Variants in FRMPD4 observed in about 807,000 individuals in gnomAD.
FRMPD4 encodes the protein FERM and PDZ domain containing 4.
FRMPD4 carries 22 observed loss-of-function variants against 94.1 expected under a neutral mutation model. The ratio of observed to expected loss-of-function variants is 0.23; its 90% CI spans 0.17 to 0.33. The LOEUF is 0.33. FRMPD4 is among the 10% of genes least tolerant of loss of function. The pLI, the probability that FRMPD4 is intolerant of heterozygous loss-of-function variation, is 1.00. For synonymous variants in FRMPD4, 631 were observed against 548.6 expected (o/e 1.15, Z -2.10); for missense variants, 1,111 against 1,339.9 (o/e 0.83, Z 2.67).
chrX:12,548,663 T>A (rs1028204984), intron 2 of FRMPD4, among the ~76,000 whole-genome samples: 2 of 112,314 alleles, frequency 1.8e-5, no homozygotes, highest in Non-Finnish European at 3.8e-5. Context: ...TTCTGTGGAC[T>A]GATTAAATGA....
chrX:12,293,639 A>T (rs1406220135), intron 1 of FRMPD4, among the ~76,000 whole-genome samples: 2 of 112,609 alleles, frequency 1.8e-5, no homozygotes, highest in Non-Finnish European at 3.7e-5. Context: ...GTGCTTTTTA[A>T]GTATTTTCAC....
intron 1 of FRMPD4, among the ~76,000 whole-genome samples, chrX:12,489,874 C>A (rs765939737): frequency 9.0e-6 from 1 of 111,552 alleles, no homozygotes; most frequent in Non-Finnish European, 1.9e-5. Flanking sequence ...AACCCAGAGC[C>A]AGGACAACGT....
At chrX:12,349,674 C>A (rs1225925277) in intron 1 of FRMPD4, among the ~76,000 whole-genome samples, 1 of 111,690 alleles carries the variant, frequency 9.0e-6, no homozygotes, top group Non-Finnish European at 1.9e-5. Flanking sequence ...CCGGTTCAAT[C>A]AAAGGTCTAA....
intron 11 of FRMPD4, among the ~76,000 whole-genome samples, chrX:12,705,238 A>T (rs2041855684): frequency 8.9e-6 from 1 of 112,136 alleles, no homozygotes; most frequent in African/African-American, 3.2e-5. Flanking sequence ...CACAAAGGAA[A>T]TTTTAAAATA....
intron 1 of FRMPD4, among the ~76,000 whole-genome samples, chrX:12,237,279 T>G (rs1444911804): frequency 4.5e-5 from 5 of 111,464 alleles, no homozygotes; most frequent in African/African-American, 6.5e-5. Context: ...GTTTTGTAGC[T>G]GCATTAGAAA....
intron 3 of FRMPD4, among the ~76,000 whole-genome samples, chrX:11,968,396 G>A (rs1336420673): frequency 4.5e-5 from 5 of 111,912 alleles, no homozygotes; most frequent in African/African-American, 1.6e-4. Context: ...CCAAAGAGGA[G>A]TCTCAGAACC....
chrX:12,650,679 T>C (rs767343635), intron 4 of FRMPD4, among the ~76,000 whole-genome samples: 1 of 112,635 alleles, frequency 8.9e-6, no homozygotes, highest in African/African-American at 3.2e-5. Flanking sequence ...TTCTTCCAAA[T>C]AGACCAGAAG....
intron 1 of FRMPD4, among the ~76,000 whole-genome samples, chrX:12,321,395 A>G (rs764931754): frequency 8.9e-5 from 10 of 112,056 alleles, no homozygotes; most frequent in Admixed American, 2.8e-4. Context: ...AGTGATATGC[A>G]TTCAATTACC....
chrX:12,540,118 C>G (rs891743446), intron 2 of FRMPD4, among the ~76,000 whole-genome samples: 1 of 112,171 alleles, frequency 8.9e-6, no homozygotes, highest in Admixed American at 9.5e-5. Context: ...AAAACCAGTA[C>G]AAGCCACTGC....
At chrX:12,479,464 G>A (rs1025046648) in intron 1 of FRMPD4, among the ~76,000 whole-genome samples, 67 of 75,071 alleles carry the variant, frequency 8.9e-4, no homozygotes, top group African/African-American at 2.6e-3. Context: ...ATGTATATAT[G>A]TATATATATG....
At chrX:11,990,766 T>C (rs1569138400) in intron 3 of FRMPD4, among the ~76,000 whole-genome samples, 1 of 111,849 alleles carries the variant, frequency 8.9e-6, no homozygotes, top group Non-Finnish European at 1.9e-5. Context: ...ACAACACATG[T>C]TTATTACTCA....
intron 1 of FRMPD4, among the ~76,000 whole-genome samples, chrX:12,274,244 C>T (rs1158076863): frequency 1.8e-5 from 2 of 111,015 alleles, no homozygotes; most frequent in African/African-American, 6.6e-5. Context: ...GAGCCAGAAA[C>T]TTTTGCATTA....
chrX:11,860,559 A>G (rs1361944392), intron 1 of FRMPD4, among the ~76,000 whole-genome samples: 1 of 111,772 alleles, frequency 8.9e-6, no homozygotes, highest in African/African-American at 3.3e-5. Flanking sequence ...GCACCTGACT[A>G]ACTATTAGTA....
In FRMPD4 at chrX:12,580,632, C is replaced by T. The variant is rs145170673; in HGVS notation, c.159-29089C>T. ...ATGATGTGAGATGATAAAATGCCTA[C>T]GTGGTGAGATGAATTGAGGTGAGTG... On this transcript the variant is annotated intron_variant, in intron 2 of 16. Transcript: ENST00000675598. Among the ~76,000 whole-genome samples, 393 of 111,670 alleles carry T rather than the reference C, an allele frequency of 3.5e-3. 1 individual carries two copies. Among genetic ancestry groups the T allele is most frequent in the African/African-American group, 0.012 (364 of 30,708 alleles).
intron 1 of FRMPD4, among the ~76,000 whole-genome samples, chrX:12,192,235 T>C (rs766817308): frequency 9.0e-6 from 1 of 111,674 alleles, no homozygotes; most frequent in South Asian, 3.8e-4. Flanking sequence ...TCTGGGCATA[T>C]TCCTCAAACT....
intron 3 of FRMPD4, among the ~76,000 whole-genome samples, chrX:12,091,092 T>A (rs2055150045): frequency 8.9e-6 from 1 of 112,347 alleles, no homozygotes; most frequent in Admixed American, 9.4e-5. Flanking sequence ...CCAGGGACTG[T>A]TCTGAGCACA....
At chrX:12,677,968 A>G (rs142253101) in intron 5 of FRMPD4, among the ~76,000 whole-genome samples, 146 of 112,912 alleles carry the variant, frequency 1.3e-3, no homozygotes, top group African/African-American at 4.6e-3. Context: ...AAGTATAGAA[A>G]GAAATACAGA....
intron 1 of FRMPD4, among the ~76,000 whole-genome samples, chrX:12,481,713 G>A (rs1262996259): frequency 1.1e-4 from 12 of 108,301 alleles, no homozygotes; most frequent in South Asian, 8.3e-4. Flanking sequence ...AGGCTGAGGC[G>A]GGTGGATCAC....
At chrX:12,180,803 G>A (rs2056350043) in intron 1 of FRMPD4, among the ~76,000 whole-genome samples, 1 of 112,169 alleles carries the variant, frequency 8.9e-6, no homozygotes, top group Admixed American at 9.4e-5. Context: ...ACGGGTGTGT[G>A]TATGTTCCAA....
Sources: allele counts gnomAD v4.1 joint callset (sites outside exome capture counted in the v4.1 genomes callset), GRCh38; gene constraint gnomAD v4.1.1; transcripts MANE v1.5; gene names NCBI Gene and HGNC (gene_info 2026-07-23, HGNC 2026-07-21).